The following NKAIN3 variants were observed in gnomAD, a reference collection of about 807,000 sequenced individuals.
The protein encoded by NKAIN3 is sodium/potassium-transporting ATPase subunit beta-1-interacting protein 3.
Under a neutral mutation model 30.2 loss-of-function variants are expected in NKAIN3, and 25 were observed. The observed-to-expected ratio is 0.83, with a 90% CI of 0.60 to 1.16. The LOEUF (loss-of-function observed/expected upper bound fraction) is 1.16. Among genes scored for constraint, NKAIN3 ranks in the 50% most tolerant of loss-of-function variants. The pLI, the probability that NKAIN3 is intolerant of heterozygous loss-of-function variation, is 0.00. For synonymous variants in NKAIN3, 91 were observed against 89.6 expected (o/e 1.02, Z -0.09); for missense variants, 225 against 254.1 (o/e 0.89, Z 0.78).
At position 62,823,355 on chromosome 8, in the gene NKAIN3, CCA is replaced by C. The variant is rs374483554; in HGVS notation, c.471+76229_471+76230del. Among the ~76,000 whole-genome samples, 417 of 152,044 alleles carry C rather than the reference CCA, an allele frequency of 2.7e-3. 3 individuals carry two copies. Among genetic ancestry groups the C allele is most frequent in the African/African-American group, 9.7e-3 (402 of 41,472 alleles). ...TGACTATATACAAAAGCAAGGGAAACCACAGTTTTTTCTTCCTTGATATCATA... is the reference window on the plus strand; with the variant it reads ...TGACTATATACAAAAGCAAGGGAAACCAGTTTTTTCTTCCTTGATATCATA... On this transcript the variant is annotated intron_variant, in intron 4 of 6. Transcript: ENST00000623646.
At chr8:62,642,658 T>G (rs996649874) in intron 3 of NKAIN3, among the ~76,000 whole-genome samples, 5 of 152,164 alleles carry the variant, frequency 3.3e-5, no homozygotes, top group African/African-American at 1.2e-4. Context: ...TAATAATTTA[T>G]TTTAAAAAAT....
At chr8:62,491,206 T>C (rs1336018829) in intron 1 of NKAIN3, among the ~76,000 whole-genome samples, 1 of 152,184 alleles carries the variant, frequency 6.6e-6, no homozygotes, top group Non-Finnish European at 1.5e-5. Flanking sequence ...TGCTTCTTCC[T>C]AAGAAGTGGA....
At chr8:62,868,402 A>G (rs1233179305) in intron 4 of NKAIN3, among the ~76,000 whole-genome samples, 1 of 151,740 alleles carries the variant, frequency 6.6e-6, no homozygotes, top group Non-Finnish European at 1.5e-5. Flanking sequence ...CTATGCTAGC[A>G]AAAGAAAATG....
At chr8:62,383,381 C>G in intron 1 of NKAIN3, 1 of 369,926 alleles carries the variant, frequency 2.7e-6, no homozygotes, top group South Asian at 2.1e-5. Context: ...TATTTGCAAA[C>G]AAGTGGAGTA....
At chr8:62,492,538 C>A (rs1807103121) in intron 1 of NKAIN3, among the ~76,000 whole-genome samples, 1 of 152,138 alleles carries the variant, frequency 6.6e-6, no homozygotes, top group Non-Finnish European at 1.5e-5. Context: ...TGGTACCCAA[C>A]TCTGTCTGCA....
At chr8:62,331,181 G>A (rs893423136) in intron 1 of NKAIN3, among the ~76,000 whole-genome samples, 5 of 134,768 alleles carry the variant, frequency 3.7e-5, no homozygotes, top group Admixed American at 8.5e-5. Flanking sequence ...CTATTGTATA[G>A]CCATATTAAA....
chr8:62,713,159 T>C (rs1292184406), intron 3 of NKAIN3, among the ~76,000 whole-genome samples: 1 of 152,164 alleles, frequency 6.6e-6, no homozygotes, highest in Non-Finnish European at 1.5e-5. Flanking sequence ...ACCTGAGGTC[T>C]GAGTAAGGAG....
chr8:62,287,498 A>G (rs1252597670), intron 1 of NKAIN3, among the ~76,000 whole-genome samples: 2 of 152,074 alleles, frequency 1.3e-5, no homozygotes, highest in African/African-American at 2.4e-5. Flanking sequence ...GCTTATTTAT[A>G]TAGTCATAGT....
At chr8:62,989,122 G>C (rs1049418131), downstream of NKAIN3, among the ~76,000 whole-genome samples, 1 of 152,170 alleles carries the variant, frequency 6.6e-6, no homozygotes, top group African/African-American at 2.4e-5. Flanking sequence ...TTTGGTCAAA[G>C]ACATTCAACA....
intron 1 of NKAIN3, among the ~76,000 whole-genome samples, chr8:62,275,116 T>C (rs1261151512): frequency 1.3e-5 from 2 of 152,186 alleles, no homozygotes; most frequent in Non-Finnish European, 2.9e-5. Flanking sequence ...TACCCAGTAA[T>C]GGAATGGCTG....
At position 62,790,237 on chromosome 8, in the gene NKAIN3, A is replaced by G. The variant is rs1261645822; in HGVS notation, c.471+43108A>G. 5.3e-5 allele frequency among the ~76,000 whole-genome samples: 8 copies of G among 152,286 alleles called. No homozygotes were observed. The East Asian group carries it at 7.7e-4, about 15-fold the overall frequency. On this transcript the variant is annotated intron_variant, in intron 4 of 6. Coordinates refer to ENST00000623646, the MANE Select transcript of NKAIN3 (RefSeq NM_001304533.3). ...CACATGATTATCTCAGTAGATGCAG[A>G]AAAGGCCTTTGACAAAATTCAACAA...
chr8:62,484,151 C>T (rs1047385643), intron 1 of NKAIN3, among the ~76,000 whole-genome samples: 2 of 152,160 alleles, frequency 1.3e-5, no homozygotes, highest in East Asian at 1.9e-4. Context: ...CATTCATGGC[C>T]CTCTCTGATG....
At chr8:62,614,038 T>C (rs1811370889) in intron 3 of NKAIN3, among the ~76,000 whole-genome samples, 1 of 152,110 alleles carries the variant, frequency 6.6e-6, no homozygotes. Flanking sequence ...TTTAGTTCAT[T>C]TGGTGAGGTT....
intron 3 of NKAIN3, among the ~76,000 whole-genome samples, chr8:62,740,837 A>G (rs1241817994): frequency 5.9e-5 from 9 of 152,154 alleles, no homozygotes; most frequent in Non-Finnish European, 1.5e-5. Context: ...GAGCTCAAAC[A>G]TTTAATGTTT....
intron 3 of NKAIN3, among the ~76,000 whole-genome samples, chr8:62,596,592 C>T (rs1262645074): frequency 2.0e-5 from 3 of 151,978 alleles, no homozygotes; most frequent in South Asian, 4.1e-4. Flanking sequence ...TTTTCTCTAC[C>T]CCTAATTCTA....
At chr8:62,560,245 T>C (rs1234434625) in intron 1 of NKAIN3, among the ~76,000 whole-genome samples, 1 of 152,116 alleles carries the variant, frequency 6.6e-6, no homozygotes, top group African/African-American at 2.4e-5. Context: ...TGCCATGAAT[T>C]TATTTGGGTT....
At chr8:62,595,733 C>T (rs757282553) in intron 3 of NKAIN3, among the ~76,000 whole-genome samples, 6 of 151,956 alleles carry the variant, frequency 3.9e-5, no homozygotes, top group Non-Finnish European at 7.4e-5. Flanking sequence ...CCGACAACAA[C>T]TCTAACTGCT....
intron 3 of NKAIN3, among the ~76,000 whole-genome samples, chr8:62,735,330 G>C (rs1815614018): frequency 1.3e-5 from 2 of 148,686 alleles, no homozygotes; most frequent in Admixed American, 1.3e-4. Context: ...TCGCTGGATT[G>C]GGTTAATTCA....
rs544895582 is a variant in NKAIN3 at position 62,691,517 on chromosome 8, T to A, written c.274-55415T>A. On this transcript the variant is annotated intron_variant, in intron 3 of 6. Coordinates refer to ENST00000623646, the MANE Select transcript of NKAIN3 (RefSeq NM_001304533.3). The stretch of plus-strand genomic sequence containing the variant: ...AGTTGTCTCAAGATTCAAGAATTTT[T>A]AACATAACTACAATGTTGTTGCTAT... 3.9e-5 allele frequency among the ~76,000 whole-genome samples: 6 copies of A among 152,332 alleles called. No homozygotes were observed. In the South Asian group the frequency reaches 8.3e-4, roughly 21 times the overall value.
Sources: gnomAD v4.1 joint callset for allele counts (sites outside exome capture counted in the v4.1 genomes callset) on GRCh38, gnomAD v4.1.1 for gene constraint, MANE v1.5 for transcripts, NCBI Gene and HGNC (gene_info 2026-07-23, HGNC 2026-07-21) for gene names.